EPHX4: variants seen among roughly 807,000 people sequenced by gnomAD.
EPHX4 encodes the protein epoxide hydrolase 4.
In EPHX4, 31 loss-of-function variants were observed where a neutral mutation model predicts 44.9. That is an observed-to-expected ratio of 0.69 (90% confidence interval 0.52 to 0.93). EPHX4 has a LOEUF of 0.93. Ranked by LOEUF, EPHX4 falls within the 40% of genes least tolerant of loss-of-function variation. The pLI, the probability that EPHX4 is intolerant of heterozygous loss-of-function variation, is 0.00. For missense variants in EPHX4, 373 were observed against 438.1 expected, an observed-to-expected ratio of 0.85 and a Z score of 1.33; for synonymous variants, 151 against 159.7, an observed-to-expected ratio of 0.95 and a Z score of 0.41.
At chr1:92,035,082 G>A (rs1461849088) in intron 2 of EPHX4, among the ~76,000 whole-genome samples, 1 of 152,184 alleles carries the variant, frequency 6.6e-6, no homozygotes. Context: ...TTTTTCCAGA[G>A]TGAGAAGTCT....
intron 1 of EPHX4, among the ~76,000 whole-genome samples, 175 bp downstream of exon 1, chr1:92,030,485 T>TGTGTGTGTGTGTGAGA (rs1326928763): frequency 2.9e-5 from 4 of 138,720 alleles, no homozygotes; most frequent in South Asian, 4.6e-4. Context: ...TGTGTGTGTG[T>TGTGTGTGTGTGTGAGA]GAGAGAGAGA....
rs534998229 is a variant in EPHX4 at position 92,032,159 on chromosome 1, G to A, written c.232-346G>A. ...GTAAGATGAAAGTTACAAATGGTAAGATGAAAGTTACAAATTGTGACATTG... is the reference window on the plus strand; with the variant it reads ...GTAAGATGAAAGTTACAAATGGTAAAATGAAAGTTACAAATTGTGACATTG... On this transcript the variant is annotated intron_variant, in intron 1 of 6. Coordinates refer to ENST00000370383, the MANE Select transcript of EPHX4 (RefSeq NM_173567.5). 3.9e-5 allele frequency among the ~76,000 whole-genome samples: 6 copies of A among 152,276 alleles called. No homozygotes were observed. The Middle Eastern group carries it at 0.017, about 432-fold the overall frequency.
At chr1:92,060,885 C>A (rs892832599) in intron 6 of EPHX4, among the ~76,000 whole-genome samples, 1 of 144,558 alleles carries the variant, frequency 6.9e-6, no homozygotes, top group Non-Finnish European at 1.5e-5. Context: ...AGTTTGTATT[C>A]TTTTTTTTTT....
chr1:92,053,878 G>C (rs1647305787), intron 6 of EPHX4, among the ~76,000 whole-genome samples: 1 of 152,146 alleles, frequency 6.6e-6, no homozygotes, highest in Non-Finnish European at 1.5e-5. Context: ...CCGTTGGGTA[G>C]TAGGGTCTGG....
At chr1:92,036,033 G>A (rs1272576695) in intron 2 of EPHX4, among the ~76,000 whole-genome samples, 1 of 151,910 alleles carries the variant, frequency 6.6e-6, no homozygotes, top group Non-Finnish European at 1.5e-5. Flanking sequence ...CATTCAAGAG[G>A]GTGTTAACAA....
intron 4 of EPHX4, among the ~76,000 whole-genome samples, chr1:92,050,038 AT>A: frequency 6.6e-6 from 1 of 151,976 alleles, no homozygotes; most frequent in Non-Finnish European, 1.5e-5. Context: ...GGCAGAGGTT[AT>A]AGTGAGCTGA....
At chr1:92,042,484 G>A (rs1049683961) in intron 2 of EPHX4, among the ~76,000 whole-genome samples, 2 of 152,084 alleles carry the variant, frequency 1.3e-5, no homozygotes, top group African/African-American at 4.8e-5. Flanking sequence ...AGCACTTTGG[G>A]AGGCTAAGGC....
intron 2 of EPHX4, among the ~76,000 whole-genome samples, chr1:92,035,303 A>G (rs1688422603): frequency 6.6e-6 from 1 of 152,222 alleles, no homozygotes. Flanking sequence ...TCACAATAAA[A>G]TGTTACTCTG....
intron 3 of EPHX4, among the ~76,000 whole-genome samples, chr1:92,045,222 G>A (rs1373004727): frequency 6.6e-6 from 1 of 152,028 alleles, no homozygotes; most frequent in African/African-American, 2.4e-5. Context: ...CTGGCCTCAA[G>A]CAATCCTCCT....
At chr1:92,050,901 C>T (rs1046917722) in intron 5 of EPHX4, among the ~76,000 whole-genome samples, 1 of 152,136 alleles carries the variant, frequency 6.6e-6, no homozygotes, top group Admixed American at 6.5e-5. Flanking sequence ...GGCTGGAGTG[C>T]AGCTCACTGC....
At chr1:92,034,340 A>G (rs1445877613) in intron 2 of EPHX4, among the ~76,000 whole-genome samples, 2 of 150,674 alleles carry the variant, frequency 1.3e-5, no homozygotes, top group East Asian at 3.9e-4. Flanking sequence ...ATATCATGGC[A>G]GTAAAAGAAA....
intron 6 of EPHX4, among the ~76,000 whole-genome samples, chr1:92,059,081 A>G (rs1244980535): frequency 6.6e-6 from 1 of 152,194 alleles, no homozygotes; most frequent in African/African-American, 2.4e-5. Context: ...CCAAAAACCT[A>G]TAGTAAACAT....
At chr1:92,062,162 A>G (rs1189229266) in intron 6 of EPHX4, among the ~76,000 whole-genome samples, 1 of 152,218 alleles carries the variant, frequency 6.6e-6, no homozygotes, top group Non-Finnish European at 1.5e-5. Flanking sequence ...TTGAGTTTTC[A>G]TCTCCAATTT....
chr1:92,042,688 G>T (rs1688524919), intron 2 of EPHX4, 135 bp from the exon 3 acceptor site: 4 of 721,138 alleles, frequency 5.5e-6, no homozygotes, highest in Non-Finnish European at 8.4e-6. Flanking sequence ...TTGCACCACT[G>T]CACTCCAGCC....
At chr1:92,062,946 A>T in intron 6 of EPHX4, 109 bp from the exon 7 acceptor site, 1 of 925,984 alleles carries the variant, frequency 1.1e-6, no homozygotes, top group Non-Finnish European at 1.7e-6. Flanking sequence ...TCACCCTTTT[A>T]GAGGCAAGAT....
At chr1:92,059,969 A>G (rs1329693994) in intron 6 of EPHX4, among the ~76,000 whole-genome samples, 5 of 151,572 alleles carry the variant, frequency 3.3e-5, no homozygotes, top group African/African-American at 4.8e-5. Flanking sequence ...AAAGGACACC[A>G]TCTCAAAGTG....
In EPHX4 at chr1:92,042,877, A is replaced by T; in HGVS notation, c.372A>T (p.Ala124=). 6.2e-7 allele frequency: 1 copy of T among 1,613,654 alleles called. No individual in the cohort carries two copies. The highest frequency in any genetic ancestry group is 1.7e-5 in the Admixed American group (1 of 59,976). ...TTAAAAGTGAATATCGAGTTGTAGC[A>T]CTGGATTTGAGAGGTTATGGAGAAA... ...REFKSEYRVV[A]LDLRGYGETD... The change falls in exon 3 of 7, where the codon GCA becomes GCT. Residue 124 remains alanine, a synonymous_variant. Transcript: ENST00000370383.
intron 1 of EPHX4, among the ~76,000 whole-genome samples, chr1:92,031,151 ACTT>A (rs1243870549): frequency 6.6e-6 from 1 of 152,294 alleles, no homozygotes; most frequent in Non-Finnish European, 1.5e-5. Flanking sequence ...GGGCAAGAGA[ACTT>A]CTTTCTTGCC....
rs1342244112 is a variant in EPHX4 at position 92,042,973 on chromosome 1, T to C, written c.468T>C (p.Asp156=). The change falls in exon 3 of 7, where the codon GAT becomes GAC. Residue 156 remains aspartate (D), a synonymous_variant. Coordinates refer to ENST00000370383, the MANE Select transcript of EPHX4 (RefSeq NM_173567.5). The stretch of plus-strand genomic sequence containing the variant: ...TTACAGATATAAAGGATATTTTAGA[T>C]TCTTTAGGTAGGTTAGTTTGAAACA... The part of the protein sequence containing the change: ...CLITDIKDIL[D]SLGYSKCVLI... The C allele has an allele frequency of 1.9e-6, 3 of 1,600,408 alleles. No individual in the cohort carries two copies. The highest frequency in any genetic ancestry group is 2.6e-6 in the Non-Finnish European group (3 of 1,173,120).
Sources: allele counts gnomAD v4.1 joint callset (sites outside exome capture counted in the v4.1 genomes callset), GRCh38; gene constraint gnomAD v4.1.1; transcripts MANE v1.5; gene names NCBI Gene and HGNC (gene_info 2026-07-23, HGNC 2026-07-21).